The following COL23A1 variants were observed in gnomAD, a reference collection of about 807,000 sequenced individuals.
The protein encoded by COL23A1 is collagen alpha-1(XXIII) chain.
COL23A1 carries 97 observed loss-of-function variants against 99.3 expected under a neutral mutation model. That is an observed-to-expected ratio of 0.98 (90% CI 0.83 to 1.16). The LOEUF (loss-of-function observed/expected upper bound fraction) is 1.16, where lower values mean the gene tolerates loss of function less well. Ranked by LOEUF, COL23A1 falls within the 50% of genes most tolerant of loss-of-function variation. The pLI, the probability that COL23A1 is intolerant of heterozygous loss-of-function variation, is 0.00. For missense variants in COL23A1, 762 were observed against 757.4 expected, an observed-to-expected ratio of 1.01 and a Z score of -0.07; for synonymous variants, 320 against 308.2, an observed-to-expected ratio of 1.04 and a Z score of -0.40.
intron 1 of COL23A1, among the ~76,000 whole-genome samples, chr5:178,585,375 T>C (rs1174637127): frequency 6.7e-6 from 1 of 149,808 alleles, no homozygotes; most frequent in East Asian, 2.0e-4. Flanking sequence ...CAGCTGACTC[T>C]AGGGTAACAC....
intron 2 of COL23A1, among the ~76,000 whole-genome samples, chr5:178,372,262 C>T (rs1379952516): frequency 6.6e-5 from 10 of 152,182 alleles, no homozygotes; most frequent in Non-Finnish European, 1.3e-4. Flanking sequence ...TGCTGGGCTC[C>T]GATGTGGCTG....
intron 2 of COL23A1, among the ~76,000 whole-genome samples, chr5:178,529,730 C>T (rs1339141766): frequency 6.6e-6 from 1 of 152,094 alleles, no homozygotes; most frequent in Non-Finnish European, 1.5e-5. Flanking sequence ...GCCTCTGTCT[C>T]CCCAGCGAAA....
chr5:178,417,269 C>A (rs937091644), intron 2 of COL23A1, among the ~76,000 whole-genome samples: 1 of 152,182 alleles, frequency 6.6e-6, no homozygotes, highest in Non-Finnish European at 1.5e-5. Context: ...GACACACTCA[C>A]ACAAAACATA....
At chr5:178,386,374 G>A (rs185164322) in intron 2 of COL23A1, among the ~76,000 whole-genome samples, 2 of 152,104 alleles carry the variant, frequency 1.3e-5, no homozygotes, top group Non-Finnish European at 2.9e-5. Flanking sequence ...AGGAAGCGGA[G>A]GTTGCAGTGA....
chr5:178,278,143 G>A (rs1756696276), intron 5 of COL23A1, among the ~76,000 whole-genome samples: 1 of 152,216 alleles, frequency 6.6e-6, no homozygotes, highest in African/African-American at 2.4e-5. Flanking sequence ...CAAACTCCAC[G>A]AGGCAGTCTA....
chr5:178,283,607 T>TA (rs542573814), intron 5 of COL23A1, among the ~76,000 whole-genome samples: 48 of 152,336 alleles, frequency 3.2e-4, no homozygotes, highest in African/African-American at 1.1e-3. Flanking sequence ...TCTGAATGTG[T>TA]AAAACAAACC....
chr5:178,298,374 T>G (rs1389955188), intron 3 of COL23A1, among the ~76,000 whole-genome samples: 6 of 152,198 alleles, frequency 3.9e-5, no homozygotes, highest in Admixed American at 1.3e-4. Flanking sequence ...CCTTAAGCTC[T>G]TAGCCTCTCT....
At chr5:178,300,321 C>A (rs970724097) in intron 3 of COL23A1, among the ~76,000 whole-genome samples, 2 of 152,112 alleles carry the variant, frequency 1.3e-5, no homozygotes, top group Non-Finnish European at 2.9e-5. Context: ...CCGCCTCAGC[C>A]TCCCAAAATG....
At chr5:178,348,787 T>C (rs1333331723) in intron 2 of COL23A1, among the ~76,000 whole-genome samples, 1 of 152,186 alleles carries the variant, frequency 6.6e-6, no homozygotes, top group Non-Finnish European at 1.5e-5. Flanking sequence ...CCACCTGCTC[T>C]GAATCCAGCC....
intron 6 of COL23A1, among the ~76,000 whole-genome samples, chr5:178,269,208 T>TAA (rs148091074): frequency 2.8e-5 from 4 of 143,320 alleles, no homozygotes; most frequent in Admixed American, 7.0e-5. Context: ...TCTTATTTCT[T>TAA]AAAAAAAAAA....
intron 2 of COL23A1, among the ~76,000 whole-genome samples, chr5:178,357,752 G>GTGTGTGTACGTGTATGTA (rs1368302188): frequency 6.8e-6 from 1 of 147,604 alleles, no homozygotes; most frequent in Non-Finnish European, 1.5e-5. Flanking sequence ...ACGTGTATGT[G>GTGTGTGTACGTGTATGTA]TGTGTGTACG....
chr5:178,535,425 G>A (rs559889860), intron 2 of COL23A1, among the ~76,000 whole-genome samples: 15 of 152,366 alleles, frequency 9.8e-5, no homozygotes, highest in African/African-American at 3.6e-4. Context: ...AAGGCCACAA[G>A]CTGAGCATGC....
rs1764950657 is a variant in COL23A1, at chr5:178,250,061, C to A, written c.1059G>T (p.Lys353Asn). 1 of 1,613,622 alleles carries A rather than the reference C, an allele frequency of 6.2e-7. No homozygotes were observed. The highest frequency in any genetic ancestry group is 1.3e-5 in the African/African-American group (1 of 74,868). ...CCAAGGAAATGAAAGGCCCAGAGAC[C>A]TTCTCTCCATCGATTCCTGGGGCAC... is the stretch of plus-strand genomic sequence containing the variant. ...LPGAPGIDGE[K>N]GPKGQKGDPG... Residue 353 changes from lysine to asparagine, a missense_variant and splice_region_variant, in exon 18 of 29, where the codon AAG (lysine) becomes AAT (asparagine). Coordinates refer to ENST00000390654, the MANE Select transcript of COL23A1 (RefSeq NM_173465.4).
chr5:178,479,860 T>G (rs1382798968), intron 2 of COL23A1, among the ~76,000 whole-genome samples: 1 of 152,184 alleles, frequency 6.6e-6, no homozygotes. Flanking sequence ...GATTGTGTCA[T>G]TGTGTGAACA....
At chr5:178,247,608 A>T in intron 21 of COL23A1, 56 bp from the exon 22 acceptor site, 1 of 1,609,156 alleles carries the variant, frequency 6.2e-7, no homozygotes, top group South Asian at 1.1e-5. Context: ...TGCAGTGGCC[A>T]CTCACTGGCC....
Position 178,321,485 on chromosome 5 carries a change from T to C in COL23A1, c.362-14566A>G, listed in dbSNP as rs867539436. Among the ~76,000 whole-genome samples, 24 of 140,260 alleles carry C rather than the reference T, an allele frequency of 1.7e-4. No homozygotes were observed. The Middle Eastern group carries it at 0.025, about 148-fold the overall frequency. The allele number at this position is 140,260 out of a possible 152,430, so 92.0% of individuals were successfully genotyped here. ...TGATGACGAGGTCACCTTCCCTTTT[T>C]TTTTTTTTTTTTTTTTTTTTTGGAG... On this transcript the variant is annotated intron_variant, in intron 2 of 28. Coordinates refer to ENST00000390654, the MANE Select transcript of COL23A1 (RefSeq NM_173465.4).
intron 2 of COL23A1, among the ~76,000 whole-genome samples, chr5:178,493,457 C>T (rs181843017): frequency 2.0e-5 from 3 of 152,370 alleles, no homozygotes; most frequent in East Asian, 3.9e-4. Flanking sequence ...TTGCAGGCCT[C>T]CATCCACGTG....
rs1243268927 is a variant in COL23A1 at position 178,434,616 on chromosome 5, C to G, written c.361+126066G>C. Among the ~76,000 whole-genome samples, 1 of 152,206 alleles carries G rather than the reference C, an allele frequency of 6.6e-6. No individual in the cohort carries two copies. The highest frequency in any genetic ancestry group is 1.9e-4 in the East Asian group (1 of 5,194). On this transcript the variant is annotated intron_variant, in intron 2 of 28. Transcript: ENST00000390654. This position sits in a 1 kb window ranked among gnomAD's most constrained non-coding sequence, Gnocchi z 4.3. ...CCCAGCTGGGCGCCTGGCCTTGCAT[C>G]CCAGGTGGGTAATCTGGAGACAGTG...
intron 4 of COL23A1, 85 bp downstream of exon 4, chr5:178,290,277 C>A: frequency 6.2e-7 from 1 of 1,603,648 alleles, no homozygotes; most frequent in South Asian, 1.1e-5. Flanking sequence ...CCTCCCTAAC[C>A]AAAATTATGT....
Sources: allele counts gnomAD v4.1 joint callset (sites outside exome capture counted in the v4.1 genomes callset), GRCh38; gene constraint gnomAD v4.1.1; non-coding constraint Gnocchi (gnomAD v3.1); transcripts MANE v1.5; gene names NCBI Gene and HGNC (gene_info 2026-07-23, HGNC 2026-07-21).